The following RPS6KC1 variants were observed in gnomAD, a reference collection of about 807,000 sequenced individuals.
RPS6KC1 encodes inactive ribosomal protein S6 kinase delta-1.
In RPS6KC1, 54 loss-of-function variants were observed where a neutral mutation model predicts 103.8. The ratio of observed to expected loss-of-function variants is 0.52; its 90% CI spans 0.42 to 0.65. The LOEUF (loss-of-function observed/expected upper bound fraction) is 0.65. RPS6KC1 is among the 30% of genes least tolerant of loss of function. RPS6KC1 has a pLI of 0.00. For missense variants in RPS6KC1, 1,151 were observed against 1,253.8 expected (o/e 0.92, Z 1.24); for synonymous variants, 439 against 438.7 (o/e 1.00, Z -0.01).
At chr1:213,724,522 A>T in the RPS6KC1 span, among the ~76,000 whole-genome samples, 3 of 152,186 alleles carry the variant, frequency 2.0e-5, no homozygotes, top group African/African-American at 7.2e-5. Context: ...CTGGCAGCAA[A>T]CAAGGGCCAT....
the RPS6KC1 span, among the ~76,000 whole-genome samples, chr1:213,334,881 T>G: frequency 1.3e-5 from 2 of 152,206 alleles, no homozygotes; most frequent in Non-Finnish European, 2.9e-5. Flanking sequence ...TACATCTACA[T>G]CTCTCTCTTT....
intron 3 of RPS6KC1, among the ~76,000 whole-genome samples, chr1:213,084,806 A>AT (rs2080231396): frequency 6.6e-6 from 1 of 152,102 alleles, no homozygotes; most frequent in Non-Finnish European, 1.5e-5. Context: ...AACGATTCTC[A>AT]TTTTAGGTTC....
the RPS6KC1 span, among the ~76,000 whole-genome samples, chr1:213,858,425 T>TG: frequency 1.3e-5 from 2 of 151,982 alleles, no homozygotes; most frequent in African/African-American, 4.8e-5. Flanking sequence ...AGTCACATGT[T>TG]GGGGGGGCGG....
At chr1:213,734,027 C>T in the RPS6KC1 span, among the ~76,000 whole-genome samples, 1 of 152,284 alleles carries the variant, frequency 6.6e-6, no homozygotes, top group Non-Finnish European at 1.5e-5. Context: ...GAAAAAAGAA[C>T]ACACAAGAAA....
the RPS6KC1 span, among the ~76,000 whole-genome samples, chr1:213,852,621 T>C: frequency 6.6e-6 from 1 of 152,172 alleles, no homozygotes; most frequent in African/African-American, 2.4e-5. Context: ...CAATTCTTTA[T>C]CCAAAACTAC....
the RPS6KC1 span, among the ~76,000 whole-genome samples, chr1:213,728,829 C>T: frequency 1.7e-4 from 26 of 151,222 alleles, no homozygotes; most frequent in Non-Finnish European, 3.4e-4. Flanking sequence ...CGCTGTGCCT[C>T]GGGAAAGGTA....
At chr1:213,793,248 T>C in the RPS6KC1 span, among the ~76,000 whole-genome samples, 1 of 152,184 alleles carries the variant, frequency 6.6e-6, no homozygotes, top group African/African-American at 2.4e-5. Flanking sequence ...TCCTTCTCTC[T>C]CCTCCATCCA....
the RPS6KC1 span, among the ~76,000 whole-genome samples, chr1:213,340,760 C>G: frequency 6.6e-6 from 1 of 152,262 alleles, no homozygotes; most frequent in Non-Finnish European, 1.5e-5. Context: ...TCCTCTTCTT[C>G]CCTCTATGTT....
chr1:213,712,213 C>T, the RPS6KC1 span, among the ~76,000 whole-genome samples: 1 of 152,290 alleles, frequency 6.6e-6, no homozygotes, highest in Non-Finnish European at 1.5e-5. Context: ...ATGCCCTGCC[C>T]AGAGAGGAGG....
chr1:213,234,641 C>T (rs545209339), intron 10 of RPS6KC1, among the ~76,000 whole-genome samples: 70 of 152,238 alleles, frequency 4.6e-4, no homozygotes, highest in East Asian at 2.1e-3. Context: ...CATGTTGGTA[C>T]GTGAGGCTGT....
the RPS6KC1 span, among the ~76,000 whole-genome samples, chr1:213,564,409 A>G: frequency 1.9e-3 from 291 of 152,328 alleles, 3 homozygotes; most frequent in Middle Eastern, 3.4e-3. Flanking sequence ...AATAGAGGGC[A>G]CAAGAGGGAC....
the RPS6KC1 span, among the ~76,000 whole-genome samples, chr1:213,759,181 C>T: frequency 3.9e-5 from 6 of 152,104 alleles, no homozygotes; most frequent in African/African-American, 1.4e-4. Flanking sequence ...CCTTCACCAG[C>T]AAAAAGATTA....
chr1:213,783,844 C>CAAAAAAAAAAAAA, the RPS6KC1 span, among the ~76,000 whole-genome samples: 1 of 115,296 alleles, frequency 8.7e-6, no homozygotes, highest in African/African-American at 3.1e-5. Context: ...AAAAAAAAAT[C>CAAAAAAAAAAAAA]CAAACCACAC....
chr1:213,239,088 G>A (rs1261404178), intron 10 of RPS6KC1, among the ~76,000 whole-genome samples: 2 of 152,106 alleles, frequency 1.3e-5, no homozygotes, highest in Non-Finnish European at 2.9e-5. Context: ...GTATAAAGAG[G>A]ACAGAAAGCA....
chr1:213,792,022 A>G, the RPS6KC1 span, among the ~76,000 whole-genome samples: 1 of 152,138 alleles, frequency 6.6e-6, no homozygotes, highest in African/African-American at 2.4e-5. Flanking sequence ...AGCTATTAGG[A>G]ACAGTTGAGA....
the RPS6KC1 span, among the ~76,000 whole-genome samples, chr1:213,736,584 A>G: frequency 6.6e-6 from 1 of 152,186 alleles, no homozygotes; most frequent in Non-Finnish European, 1.5e-5. Context: ...GGTTAGAAGG[A>G]AGCCACAGGT....
intron 8 of RPS6KC1, among the ~76,000 whole-genome samples, chr1:213,222,034 C>T (rs1443322322): frequency 1.3e-5 from 2 of 152,186 alleles, no homozygotes. Context: ...GTTGGTGATT[C>T]TTGACTCTGC....
chr1:213,666,900 C>T, the RPS6KC1 span, among the ~76,000 whole-genome samples: 1 of 152,228 alleles, frequency 6.6e-6, no homozygotes, highest in African/African-American at 2.4e-5. Flanking sequence ...GGCACGTGAG[C>T]TGGTTCTTAG....
chr1:213,817,729 A>G, the RPS6KC1 span: 1 of 152,192 alleles, frequency 6.6e-6, no homozygotes, highest in Non-Finnish European at 1.5e-5. Context: ...ATAAAATGGG[A>G]ATAATTGAAG....
Sources: gnomAD v4.1 joint callset for allele counts (sites outside exome capture counted in the v4.1 genomes callset) on GRCh38, gnomAD v4.1.1 for gene constraint, MANE v1.5 for transcripts, NCBI Gene and HGNC (gene_info 2026-07-23, HGNC 2026-07-21) for gene names.